GRIN2B: variants seen among roughly 807,000 people sequenced by gnomAD.
GRIN2B encodes glutamate receptor ionotropic, NMDA 2B.
In GRIN2B, 5 loss-of-function variants were observed where a neutral mutation model predicts 114.5. The ratio of observed to expected loss-of-function variants is 0.04; its 90% confidence interval spans 0.02 to 0.09. The LOEUF (loss-of-function observed/expected upper bound fraction) is 0.09. Among genes scored for constraint, GRIN2B ranks in the 10% least tolerant of loss-of-function variants. GRIN2B has a pLI of 1.00. For synonymous variants in GRIN2B, 787 were observed against 745.1 expected (o/e 1.06, Z -0.92); for missense variants, 1,108 against 1,943.5 (o/e 0.57, Z 8.08).
At chr12:13,649,777 T>C (rs554314246) in intron 5 of GRIN2B, among the ~76,000 whole-genome samples, 2 of 152,108 alleles carry the variant, frequency 1.3e-5, no homozygotes, top group African/African-American at 4.8e-5. Context: ...CTAAGTGGTA[T>C]GACCTTGCAC....
intron 3 of GRIN2B, among the ~76,000 whole-genome samples, chr12:13,833,011 G>T (rs1165073617): frequency 6.6e-6 from 1 of 152,088 alleles, no homozygotes; most frequent in Non-Finnish European, 1.5e-5. Flanking sequence ...TAGTATGGAG[G>T]AACAAAGCGG....
At chr12:13,886,780 T>C (rs2136771382) in intron 2 of GRIN2B, among the ~76,000 whole-genome samples, 1 of 152,316 alleles carries the variant, frequency 6.6e-6, no homozygotes, top group East Asian at 1.9e-4. Flanking sequence ...TCAGTGTTTC[T>C]TAACCACATG....
At chr12:13,705,472 A>G (rs1591686637) in intron 4 of GRIN2B, among the ~76,000 whole-genome samples, 1 of 152,184 alleles carries the variant, frequency 6.6e-6, no homozygotes, top group African/African-American at 2.4e-5. Context: ...TCATGGCAGG[A>G]GGCACACAAA....
At chr12:13,977,605 T>C (rs957745751) in intron 2 of GRIN2B, among the ~76,000 whole-genome samples, 9 of 152,110 alleles carry the variant, frequency 5.9e-5, no homozygotes, top group African/African-American at 2.2e-4. Context: ...GTCACCCACA[T>C]TGTAAGGGGG....
At chr12:13,570,046 A>C (rs199832356) in intron 11 of GRIN2B, 29 bp from the exon 12 acceptor site, 1 of 1,528,958 alleles carries the variant, frequency 6.5e-7, no homozygotes, top group Non-Finnish European at 9.1e-7. Context: ...AACAAATCCA[A>C]TGGAGGAATT....
chr12:13,930,215 T>TAC (rs745923676), intron 2 of GRIN2B, among the ~76,000 whole-genome samples: 1 of 152,092 alleles, frequency 6.6e-6, no homozygotes, highest in Non-Finnish European at 1.5e-5. Context: ...AAATAAATAA[T>TAC]ACAAGTTATT....
intron 2 of GRIN2B, among the ~76,000 whole-genome samples, chr12:13,911,843 C>T (rs150049898): frequency 6.6e-6 from 1 of 152,238 alleles, no homozygotes; most frequent in East Asian, 1.9e-4. Flanking sequence ...TTTTTTCCAA[C>T]CCCTCACACT....
chr12:13,710,469 T>C (rs1163388151), intron 4 of GRIN2B, among the ~76,000 whole-genome samples: 1 of 152,082 alleles, frequency 6.6e-6, no homozygotes. Context: ...CGATTGTATG[T>C]CTAGAAAACC....
intron 8 of GRIN2B, 58 bp from the exon 9 acceptor site, chr12:13,611,908 T>C: frequency 6.4e-7 from 1 of 1,556,422 alleles, no homozygotes. Context: ...AGAATTCGAA[T>C]TAATTCACAT....
intron 4 of GRIN2B, among the ~76,000 whole-genome samples, chr12:13,708,898 T>C (rs1950388634): frequency 6.6e-6 from 1 of 152,062 alleles, no homozygotes; most frequent in South Asian, 2.1e-4. Context: ...CTGGGATACA[T>C]AGAACAAAGA....
At chr12:13,605,520 GTC>G (rs3081918) in intron 10 of GRIN2B, among the ~76,000 whole-genome samples, 3,084 of 114,952 alleles carry the variant, frequency 0.027, 124 homozygotes, top group African/African-American at 0.094. Context: ...GGTCTTGAAA[GTC>G]TCTCTCTCTC....
At chr12:13,820,701 G>A (rs1054448591) in intron 3 of GRIN2B, among the ~76,000 whole-genome samples, 23 of 152,150 alleles carry the variant, frequency 1.5e-4, no homozygotes, top group African/African-American at 5.5e-4. Flanking sequence ...GAACTGGGAT[G>A]AGGGCAAACC....
chr12:13,569,768 T>C (rs1237664575), intron 12 of GRIN2B, 62 bp downstream of exon 12: 7 of 991,142 alleles, frequency 7.1e-6, no homozygotes, highest in Admixed American at 2.3e-5. Flanking sequence ...AAAGGAAAGG[T>C]TGATGTTTTG....
At chr12:13,834,218 T>TTTTTTTC (rs1565555844) in intron 3 of GRIN2B, among the ~76,000 whole-genome samples, 1 of 146,516 alleles carries the variant, frequency 6.8e-6, no homozygotes, top group Non-Finnish European at 1.5e-5. Flanking sequence ...TTTTTTTTTT[T>TTTTTTTC]AGTAGAGATG....
chr12:13,871,765 A>G (rs952409120), intron 2 of GRIN2B, among the ~76,000 whole-genome samples: 7 of 151,984 alleles, frequency 4.6e-5, no homozygotes, highest in African/African-American at 1.7e-4. Flanking sequence ...AGAAAATAAC[A>G]TATATAATAG....
At chr12:13,730,030 C>T (rs546014195) in intron 4 of GRIN2B, among the ~76,000 whole-genome samples, 12 of 149,362 alleles carry the variant, frequency 8.0e-5, no homozygotes, top group African/African-American at 2.7e-4. Flanking sequence ...ATTCCAACAT[C>T]AGTAAAACAC....
chr12:13,977,633 G>T (rs990935921), intron 2 of GRIN2B, among the ~76,000 whole-genome samples: 3 of 152,132 alleles, frequency 2.0e-5, no homozygotes, highest in Non-Finnish European at 2.9e-5. Context: ...AAGGAGAAAA[G>T]ACAAAATAGA....
intron 5 of GRIN2B, among the ~76,000 whole-genome samples, chr12:13,665,646 A>G (rs1378233723): frequency 6.6e-6 from 1 of 152,150 alleles, no homozygotes; most frequent in Non-Finnish European, 1.5e-5. Flanking sequence ...TCCTCAATTT[A>G]CTTACATGTA....
intron 3 of GRIN2B, among the ~76,000 whole-genome samples, chr12:13,807,275 G>A (rs1485634601): frequency 6.6e-6 from 1 of 152,136 alleles, no homozygotes; most frequent in Admixed American, 6.6e-5. Flanking sequence ...CAACCGTGCT[G>A]TGATTCTCCT....
Sources: gnomAD v4.1 joint callset for allele counts (sites outside exome capture counted in the v4.1 genomes callset) on GRCh38, gnomAD v4.1.1 for gene constraint, MANE v1.5 for transcripts, NCBI Gene and HGNC (gene_info 2026-07-23, HGNC 2026-07-21) for gene names.